ZNF618: variants seen among roughly 807,000 people sequenced by gnomAD.
ZNF618 encodes the protein zinc finger protein 618.
Under a neutral mutation model 103.0 loss-of-function variants are expected in ZNF618, and 34 were observed. The observed-to-expected ratio is 0.33, with a 90% CI of 0.25 to 0.44. The LOEUF (loss-of-function observed/expected upper bound fraction) is 0.44. Among genes scored for constraint, ZNF618 ranks in the 20% least tolerant of loss-of-function variants. ZNF618 has a pLI of 1.00. For synonymous variants in ZNF618, 551 were observed against 542.2 expected (o/e 1.02, Z -0.23); for missense variants, 1,059 against 1,295.4 (o/e 0.82, Z 2.80).
At chr9:114,037,244 T>G (rs1382045519) in intron 13 of ZNF618, among the ~76,000 whole-genome samples, 1 of 152,160 alleles carries the variant, frequency 6.6e-6, no homozygotes, top group Non-Finnish European at 1.5e-5. Flanking sequence ...ACATGGTGAT[T>G]CAGGGATCAA....
intron 9 of ZNF618, among the ~76,000 whole-genome samples, chr9:114,015,185 C>T (rs1588346208): frequency 6.6e-6 from 1 of 151,564 alleles, no homozygotes; most frequent in Non-Finnish European, 1.5e-5. Context: ...AATTCTATAG[C>T]AGGAGAGAAA....
intron 1 of ZNF618, among the ~76,000 whole-genome samples, chr9:113,939,228 C>A (rs1834327632): frequency 6.6e-6 from 1 of 151,698 alleles, no homozygotes; most frequent in African/African-American, 2.4e-5. Flanking sequence ...TGAGAGATAC[C>A]CCTTATGGAG....
At chr9:113,879,397 GTT>G (rs35301339) in intron 1 of ZNF618, among the ~76,000 whole-genome samples, 2 of 95,606 alleles carry the variant, frequency 2.1e-5, no homozygotes, top group Admixed American at 1.1e-4. Flanking sequence ...TTTTTTTTCT[GTT>G]TTTTTTTTTT....
At chr9:113,986,064 G>A (rs748494916) in intron 2 of ZNF618, among the ~76,000 whole-genome samples, 10 of 152,196 alleles carry the variant, frequency 6.6e-5, no homozygotes, top group Non-Finnish European at 1.2e-4. Flanking sequence ...AGGAGGAGGC[G>A]CCCCTGGGTG....
At chr9:113,928,500 C>G (rs1421417691) in intron 1 of ZNF618, among the ~76,000 whole-genome samples, 1 of 152,136 alleles carries the variant, frequency 6.6e-6, no homozygotes, top group Non-Finnish European at 1.5e-5. Context: ...GAAAGCCAGA[C>G]CTGACGTATC....
chr9:114,034,002 T>C (rs1844349013), intron 12 of ZNF618, among the ~76,000 whole-genome samples: 1 of 152,154 alleles, frequency 6.6e-6, no homozygotes, highest in Non-Finnish European at 1.5e-5. Context: ...GCTCCACCAC[T>C]TACTAGCTGG....
In ZNF618 at chr9:114,041,970, G is replaced by A. The variant is rs1845228074; in HGVS notation, c.1246+5593G>A. On this transcript the variant is annotated intron_variant, in intron 13 of 14. Transcript: ENST00000374126. ...TTCTTCCTATCCATGAGCATGGAAT[G>A]TTCTTCCATTTGTTTGTATCCTCTT... Among the ~76,000 whole-genome samples the A allele has an allele frequency of 3.3e-5, 5 of 152,288 alleles. No individual in the cohort carries two copies. In the Middle Eastern group the frequency reaches 0.01, roughly 311 times the overall value.
In ZNF618 at chr9:114,049,640, A is replaced by G; in HGVS notation, c.2338A>G (p.Thr780Ala). 4 of 1,613,830 alleles carry G rather than the reference A, an allele frequency of 2.5e-6. No individual in the cohort carries two copies. The highest frequency in any genetic ancestry group is 1.1e-5 in the South Asian group (1 of 91,090). Residue 780 changes from threonine to alanine, a missense_variant, in exon 15 of 15, where the codon ACT becomes GCT. Coordinates refer to ENST00000374126, the MANE Select transcript of ZNF618 (RefSeq NM_001318042.2). ...LFTAKANDAG[T>A]VSKLCHLFLE... is the part of the protein sequence containing the mutation. ...CACGGCCAAGGCCAACGACGCAGGC[A>G]CTGTCAGCAAGCTCTGCCACCTCTT...
chr9:113,994,338 T>C (rs965219050), intron 3 of ZNF618, among the ~76,000 whole-genome samples: 6 of 152,196 alleles, frequency 3.9e-5, no homozygotes, highest in Non-Finnish European at 8.8e-5. Context: ...TTCAATAGGT[T>C]GTTGGCAGGG....
chr9:113,934,887 C>G (rs1163495618), intron 1 of ZNF618, among the ~76,000 whole-genome samples: 1 of 152,194 alleles, frequency 6.6e-6, no homozygotes, highest in Non-Finnish European at 1.5e-5. Context: ...TTTGTACAGC[C>G]TTTATGCTTT....
chr9:113,918,371 G>A (rs1832320046), intron 1 of ZNF618, among the ~76,000 whole-genome samples: 1 of 152,098 alleles, frequency 6.6e-6, no homozygotes, highest in Non-Finnish European at 1.5e-5. Context: ...GTTTTGTGTG[G>A]CGATATTTTG....
chr9:113,904,635 G>A (rs943179064), intron 1 of ZNF618, among the ~76,000 whole-genome samples: 1 of 152,172 alleles, frequency 6.6e-6, no homozygotes, highest in Non-Finnish European at 1.5e-5. Context: ...TTATTGTCTT[G>A]TAATTCTGGA....
chr9:113,893,237 C>T (rs1490851630), intron 1 of ZNF618, among the ~76,000 whole-genome samples: 1 of 152,164 alleles, frequency 6.6e-6, no homozygotes, highest in African/African-American at 2.4e-5. Context: ...AACCCCAAAG[C>T]CTATGGAGTC....
At chr9:114,029,919 AG>A (rs1297610939) in intron 11 of ZNF618, among the ~76,000 whole-genome samples, 1 of 152,264 alleles carries the variant, frequency 6.6e-6, no homozygotes, top group Non-Finnish European at 1.5e-5. Context: ...ACCAGCAGTC[AG>A]GAATTCTTAG....
intron 1 of ZNF618, among the ~76,000 whole-genome samples, chr9:113,930,426 G>C (rs989940635): frequency 6.6e-6 from 1 of 152,082 alleles, no homozygotes; most frequent in African/African-American, 2.4e-5. Context: ...TTCATGATGG[G>C]AAACTTCATA....
chr9:113,991,668 G>A (rs1274389950), intron 3 of ZNF618, among the ~76,000 whole-genome samples: 2 of 152,212 alleles, frequency 1.3e-5, no homozygotes, highest in Non-Finnish European at 2.9e-5. Context: ...GGGGAATAAA[G>A]TCGGTGCAGG....
chr9:114,047,919 A>G lies in ZNF618; in HGVS notation c.1273A>G (p.Asn425Asp). ...TGACAATGAAAACAACATTGCCTCC[A>G]ACCAGTCCCGATCGCCACCTGCTGT... ...AADNENNIAS[N>D]QSRSPPAVVE... The change falls in exon 14 of 15, where the codon AAC becomes GAC. Residue 425 changes from asparagine (N) to aspartate (D), a missense_variant. This residue lies in a region of ZNF618 where 434 missense variants were observed against 476.0 expected (regional missense o/e 0.91). Coordinates refer to ENST00000374126, the MANE Select transcript of ZNF618 (RefSeq NM_001318042.2). 6.2e-7 allele frequency: 1 copy of G among 1,603,284 alleles called. No homozygotes were observed. The highest frequency in any genetic ancestry group is 8.5e-7 in the Non-Finnish European group (1 of 1,175,026).
chr9:114,019,530 A>C (rs1017515159), intron 10 of ZNF618, among the ~76,000 whole-genome samples: 6 of 152,190 alleles, frequency 3.9e-5, no homozygotes, highest in Non-Finnish European at 8.8e-5. Flanking sequence ...TAATTCAGCT[A>C]TTCTAGTGAG....
chr9:113,926,339 A>G (rs1216015723), intron 1 of ZNF618, among the ~76,000 whole-genome samples: 2 of 151,844 alleles, frequency 1.3e-5, no homozygotes, highest in African/African-American at 4.8e-5. Flanking sequence ...TGAGTATGAT[A>G]CGCTGGGATA....
Sources: gnomAD v4.1 joint callset for allele counts (sites outside exome capture counted in the v4.1 genomes callset) on GRCh38, gnomAD v4.1.1 for gene constraint, gnomAD v4.1.1 regional missense constraint, MANE v1.5 for transcripts, NCBI Gene and HGNC (gene_info 2026-07-23, HGNC 2026-07-21) for gene names.